The following MTA1 variants were observed in gnomAD, a reference collection of about 807,000 sequenced individuals.
The protein encoded by MTA1 is metastasis-associated protein MTA1.
MTA1 carries 15 observed loss-of-function variants against 97.0 expected under a neutral mutation model. The observed-to-expected ratio is 0.15, with a 90% CI of 0.10 to 0.24. The LOEUF (loss-of-function observed/expected upper bound fraction) is 0.24. Among genes scored for constraint, MTA1 ranks in the 10% least tolerant of loss-of-function variants. The probability of loss-of-function intolerance (pLI) is 1.00; values close to 1 mark genes in which losing one functional copy is unlikely to be tolerated. For missense variants in MTA1, 709 were observed against 1,015.1 expected (o/e 0.70, Z 4.10); for synonymous variants, 435 against 417.5 (o/e 1.04, Z -0.51).
chr14:105,463,922 G>A lies in MTA1; in HGVS notation c.1077-110G>A, dbSNP rs587667898. On this transcript the variant is annotated intron_variant, in intron 12 of 20. Transcript: ENST00000331320. This position sits in a 1 kb window ranked among gnomAD's most constrained non-coding sequence, Gnocchi z 5.9. ...GATCCCTGCCGAGGCCGAGGGGTGCGAGGACGTGGTTCTGGACAAGGGGTG... is the reference window on the plus strand; with the variant it reads ...GATCCCTGCCGAGGCCGAGGGGTGCAAGGACGTGGTTCTGGACAAGGGGTG... The A allele has an allele frequency of 1.0e-4, 102 of 1,009,012 alleles. No individual in the cohort carries two copies. In the East Asian group the frequency reaches 1.1e-3, roughly 10 times the overall value. 62.5% of individuals were successfully genotyped at this position (1,009,012 alleles called of 1,614,324 possible).
intron 4 of MTA1, 60 bp from the exon 5 acceptor site, chr14:105,449,998 G>A: frequency 6.2e-7 from 1 of 1,606,416 alleles, no homozygotes; most frequent in Non-Finnish European, 8.5e-7. Flanking sequence ...CTGGTGGGGT[G>A]GGCCTTGGTC....
intron 16 of MTA1, chr14:105,466,220 GCA>G (rs1379600546): frequency 5.0e-6 from 3 of 598,000 alleles, no homozygotes; most frequent in Non-Finnish European, 8.9e-6. Context: ...ACTGGCCCGG[GCA>G]CACGCCTTGC....
chr14:105,442,220 T>C (rs1464176544), intron 2 of MTA1, among the ~76,000 whole-genome samples: 1 of 152,212 alleles, frequency 6.6e-6, no homozygotes, highest in Non-Finnish European at 1.5e-5. Context: ...AAAACCCACT[T>C]TGCCTTTCGG....
At chr14:105,464,169 G>A in intron 13 of MTA1, 22 bp downstream of exon 13, 1 of 1,599,446 alleles carries the variant, frequency 6.3e-7, no homozygotes, top group Non-Finnish European at 8.5e-7. Context: ...GGATGGCCGG[G>A]GGCACACCGC....
chr14:105,438,633 T>C lies in MTA1; in HGVS notation c.29-39T>C, dbSNP rs1555424946. On this transcript the variant is annotated intron_variant, in intron 1 of 20. Transcript: ENST00000331320. ...GGGAGGTGGGACTGGGTCTGGCCTT[T>C]GGTGCCACAGGTGGCACTCTCTCTG... The C allele has an allele frequency of 1.9e-6, 3 of 1,596,954 alleles. No individual in the cohort carries two copies. In the South Asian group the frequency reaches 3.3e-5, roughly 18 times the overall value.
chr14:105,427,213 C>T (rs1444413029), intron 1 of MTA1, among the ~76,000 whole-genome samples: 8 of 152,260 alleles, frequency 5.3e-5, no homozygotes, highest in Non-Finnish European at 7.3e-5. Context: ...TTTGCGGGCA[C>T]GCACAGGCTG....
chr14:105,468,164 G>A (rs2083675124), intron 18 of MTA1: 1 of 487,462 alleles, frequency 2.1e-6, no homozygotes, highest in South Asian at 1.7e-5. Context: ...GGCATGAGCT[G>A]AGCTCGAGTG....
chr14:105,449,551 C>T, intron 4 of MTA1, 142 bp downstream of exon 4: 1 of 909,660 alleles, frequency 1.1e-6, no homozygotes, highest in Non-Finnish European at 1.6e-6. Context: ...GAGGAGGGGC[C>T]CTCCCTTGTG....
At position 105,424,369 on chromosome 14, in the gene MTA1, AATT is replaced by A. The variant is rs2081945441; in HGVS notation, c.28+4307_28+4309del. 1.1e-4 allele frequency among the ~76,000 whole-genome samples: 16 copies of A among 150,734 alleles called. No homozygotes were observed. The South Asian group carries it at 3.1e-3, about 30-fold the overall frequency. On this transcript the variant is annotated intron_variant, in intron 1 of 20. Coordinates refer to ENST00000331320, the MANE Select transcript of MTA1 (RefSeq NM_004689.4). The surrounding 1 kb of genome is among the most constrained non-coding windows in gnomAD (Gnocchi z 4.0). ...CCACCATGCCTGGCTAATGTTTTGTAATTTTTTTTTTTTTGTAGAGACGGGGTT... is the reference window on the plus strand; with the variant it reads ...CCACCATGCCTGGCTAATGTTTTGTATTTTTTTTTTTGTAGAGACGGGGTT...
At chr14:105,468,786 A>G (rs4983415) in intron 18 of MTA1, among the ~76,000 whole-genome samples, 148,524 of 152,314 alleles carry the variant, frequency 0.98, 72,524 homozygotes, top group East Asian at 1. Context: ...ACACCTACAC[A>G]CAGGGCAGTG....
chr14:105,450,055 C>T lies in MTA1; in HGVS notation c.242-3C>T, dbSNP rs1555428191. ...GTGCTGACAGGGGCTCCTTGTCCTT[C>T]AGGGGAAATAGAAGAGGAAATGGAG... On this transcript the variant is annotated splice_polypyrimidine_tract_variant and splice_region_variant and intron_variant, in intron 4 of 20. Coordinates refer to ENST00000331320, the MANE Select transcript of MTA1 (RefSeq NM_004689.4). 3.1e-6 allele frequency: 5 copies of T among 1,613,378 alleles called. No homozygotes were observed. Among genetic ancestry groups the T allele is most frequent in the Non-Finnish European group, 3.4e-6 (4 of 1,179,876 alleles).
rs1216158651 is a variant in MTA1 at position 105,458,954 on chromosome 14, C to T, written c.653+582C>T. The stretch of plus-strand genomic sequence containing the variant: ...CTCGCCACCTGCGGGCTGCTCCCTG[C>T]GATGCTCATGCAGTCTGTCCCTGGT... On this transcript the variant is annotated intron_variant, in intron 8 of 20. Transcript: ENST00000331320. Among the ~76,000 whole-genome samples, 6 of 152,134 alleles carry T rather than the reference C, an allele frequency of 3.9e-5. No individual in the cohort carries two copies. In the East Asian group the frequency reaches 9.6e-4, roughly 24 times the overall value.
intron 10 of MTA1, among the ~76,000 whole-genome samples, chr14:105,461,889 G>A (rs1555431095): frequency 6.6e-6 from 1 of 152,154 alleles, no homozygotes; most frequent in African/African-American, 2.4e-5. Context: ...AGGCGGATAC[G>A]GATCTCTCCA....
In MTA1 at chr14:105,463,739, G is replaced by C. The variant is rs757037531; in HGVS notation, c.1076+188G>C. The C allele has an allele frequency of 1.6e-6, 1 of 634,304 alleles. No individual in the cohort carries two copies. Among genetic ancestry groups the C allele is most frequent in the Non-Finnish European group, 2.8e-6 (1 of 363,576 alleles). The allele number at this position is 634,304 out of a possible 1,614,324, so 39.3% of individuals were successfully genotyped here. A position where few individuals can be genotyped will look rare whatever the true frequency, so the allele number is the denominator to read the frequency against. The stretch of plus-strand genomic sequence containing the variant: ...CAGACGCAGTGGCCATGTCTCTGTC[G>C]TCCTGGCCTCCTGGTCAGTAAGGGG... On this transcript the variant is annotated intron_variant, in intron 12 of 20. Coordinates refer to ENST00000331320, the MANE Select transcript of MTA1 (RefSeq NM_004689.4). The surrounding 1 kb of genome is among the most constrained non-coding windows in gnomAD (Gnocchi z 5.9).
At chr14:105,452,192 T>C (rs1235855246) in intron 6 of MTA1, among the ~76,000 whole-genome samples, 1 of 152,228 alleles carries the variant, frequency 6.6e-6, no homozygotes, top group African/African-American at 2.4e-5. Context: ...GGCAGAAGCT[T>C]GTGCCACTGG....
chr14:105,453,954 G>A (rs1209809044), intron 6 of MTA1, among the ~76,000 whole-genome samples: 3 of 152,168 alleles, frequency 2.0e-5, no homozygotes, highest in Admixed American at 6.5e-5. Context: ...TGTCTCCTCC[G>A]TGCAGTGTCA....
At position 105,463,901 on chromosome 14, in the gene MTA1, C is replaced by T; in HGVS notation, c.1077-131C>T. 1 of 849,066 alleles carries T rather than the reference C, an allele frequency of 1.2e-6. No individual in the cohort carries two copies. Among genetic ancestry groups the T allele is most frequent in the Non-Finnish European group, 2.0e-6 (1 of 510,418 alleles). 52.6% of individuals were successfully genotyped at this position (849,066 alleles called of 1,614,324 possible). A position where few individuals can be genotyped will look rare whatever the true frequency, so the allele number is the denominator to read the frequency against. On this transcript the variant is annotated intron_variant, in intron 12 of 20. Transcript: ENST00000331320. The surrounding 1 kb of genome is among the most constrained non-coding windows in gnomAD (Gnocchi z 5.9). ...AACTGAAAGGGGAGAAAGGAAGATCCCTGCCGAGGCCGAGGGGTGCGAGGA... is the reference window on the plus strand; with the variant it reads ...AACTGAAAGGGGAGAAAGGAAGATCTCTGCCGAGGCCGAGGGGTGCGAGGA...
chr14:105,467,113 G>A, intron 18 of MTA1: 1 of 413,260 alleles, frequency 2.4e-6, no homozygotes, highest in East Asian at 5.5e-5. Flanking sequence ...CTGCCAGGCG[G>A]GACAGTGGGG....
At chr14:105,429,091 C>G (rs1261757116) in intron 1 of MTA1, among the ~76,000 whole-genome samples, 1 of 152,146 alleles carries the variant, frequency 6.6e-6, no homozygotes, top group Non-Finnish European at 1.5e-5. Flanking sequence ...CTTCTGCTAG[C>G]TTCAGATTTT....
Sources: allele counts gnomAD v4.1 joint callset (sites outside exome capture counted in the v4.1 genomes callset), GRCh38; gene constraint gnomAD v4.1.1; non-coding constraint Gnocchi (gnomAD v3.1); transcripts MANE v1.5; gene names NCBI Gene and HGNC (gene_info 2026-07-23, HGNC 2026-07-21).